Variants in IQSEC2 observed in about 807,000 individuals in gnomAD.
IQSEC2 encodes the protein IQ motif and Sec7 domain ArfGEF 2.
A neutral mutation model predicts 74.6 loss-of-function variants in IQSEC2; 6 were observed. The observed-to-expected ratio is 0.08, with a 90% CI of 0.04 to 0.16. The LOEUF is 0.16. Ranked by LOEUF, IQSEC2 falls within the 10% of genes least tolerant of loss-of-function variation. The pLI is 1.00. For synonymous variants in IQSEC2, 494 were observed against 544.5 expected (o/e 0.91, Z 1.29); for missense variants, 734 against 1,306.2 (o/e 0.56, Z 6.75).
At chrX:53,252,776 TGGG>T (rs782694696) in intron 4 of IQSEC2, among the ~76,000 whole-genome samples, 1 of 112,302 alleles carries the variant, frequency 8.9e-6, no homozygotes, top group Non-Finnish European at 1.9e-5. Flanking sequence ...CTCACTCTCT[TGGG>T]TCAGTTTTAA....
intron 2 of IQSEC2, among the ~76,000 whole-genome samples, chrX:53,260,048 G>A (rs782215194): frequency 9.0e-6 from 1 of 111,716 alleles, no homozygotes; most frequent in Admixed American, 9.5e-5. Context: ...CATTATGGGG[G>A]GCACAAGGTT....
At chrX:53,228,548 G>A (rs1322682004), downstream of IQSEC2, among the ~76,000 whole-genome samples, 1 of 112,076 alleles carries the variant, frequency 8.9e-6, no homozygotes, top group Non-Finnish European at 1.9e-5. Context: ...TGGAAGGCTC[G>A]TCTGGGCTCA....
rs1556860396 is a variant in IQSEC2, at chrX:53,239,266, ATCT to A, written c.3041_3043del (p.Lys1014del). On this transcript the variant is annotated inframe_deletion, in exon 11 of 15. Transcript: ENST00000642864. ...CTGACGGAAACTGTACGTCACCAAG[ATCT>A]TCTTCTTCTGGAAAATTTTGGTGAC... The A allele has an allele frequency of 2.5e-6, 3 of 1,209,264 alleles. No homozygotes were observed. The highest frequency in any genetic ancestry group is 2.2e-6 in the Non-Finnish European group (2 of 893,702).
chrX:53,319,034 A>T (rs1225675855), intron 1 of IQSEC2, among the ~76,000 whole-genome samples: 1 of 112,948 alleles, frequency 8.9e-6, no homozygotes, highest in Non-Finnish European at 1.9e-5. Flanking sequence ...GGTGTGCTGC[A>T]GTGGAGCCCA....
chrX:53,235,245 T>C, intron 14 of IQSEC2, 61 bp from the exon 15 acceptor site: 1 of 1,152,901 alleles, frequency 8.7e-7, no homozygotes, highest in Non-Finnish European at 1.2e-6. Context: ...CAGCCCTAAA[T>C]TCCACCCCTG....
downstream of IQSEC2, among the ~76,000 whole-genome samples, chrX:53,228,121 T>C (rs1556857961): frequency 2.7e-5 from 3 of 110,510 alleles, no homozygotes; most frequent in Non-Finnish European, 5.7e-5. Context: ...TTCCTCACAG[T>C]GTTGTTAGGA....
intron 2 of IQSEC2, among the ~76,000 whole-genome samples, chrX:53,285,103 A>G (rs2075012701): frequency 9.0e-6 from 1 of 111,622 alleles, no homozygotes; most frequent in African/African-American, 3.3e-5. Flanking sequence ...AACACTCTTC[A>G]CTTCACTTTG....
At chrX:53,238,954 C>T (rs1210986200) in intron 11 of IQSEC2, among the ~76,000 whole-genome samples, 1 of 111,333 alleles carries the variant, frequency 9.0e-6, no homozygotes, top group African/African-American at 3.3e-5. Flanking sequence ...TGATCACCGT[C>T]TCTTTGGCCC....
intron 1 of IQSEC2, among the ~76,000 whole-genome samples, chrX:53,303,643 A>G (rs1027421279): frequency 7.3e-5 from 8 of 110,046 alleles, no homozygotes; most frequent in Admixed American, 6.8e-4. Context: ...TCTACTACAA[A>G]TACAAAAATT....
At chrX:53,272,535 G>A (rs1556868816) in intron 2 of IQSEC2, among the ~76,000 whole-genome samples, 1 of 111,415 alleles carries the variant, frequency 9.0e-6, no homozygotes, top group African/African-American at 3.3e-5. Flanking sequence ...GAGTGACAAA[G>A]TTGGGACTGA....
intron 2 of IQSEC2, among the ~76,000 whole-genome samples, chrX:53,285,866 G>A (rs1227500739): frequency 1.8e-5 from 2 of 112,807 alleles, no homozygotes; most frequent in Non-Finnish European, 3.7e-5. Flanking sequence ...CCTGTGTCTG[G>A]AGAACAGTCA....
At position 53,266,888 on chromosome X, in the gene IQSEC2, C is replaced by CG. The variant is rs1326600994; in HGVS notation, c.738-10828dup. On this transcript the variant is annotated intron_variant, in intron 2 of 14. Transcript: ENST00000642864. ...GGACAGGGTCCCATGGGGGAATCTG[C>CG]GGGGGGGTGGGTGGGGGGAAGGAGG... is the stretch of plus-strand genomic sequence containing the variant. The CG allele has an allele frequency of 5.7e-5, 53 of 927,759 alleles. No homozygotes were observed. Among genetic ancestry groups the CG allele is most frequent in the East Asian group, 2.8e-4 (7 of 25,196 alleles). The allele number at this position is 927,759 out of a possible 1,213,427, so 76.5% of individuals were successfully genotyped here.
intron 2 of IQSEC2, among the ~76,000 whole-genome samples, chrX:53,288,369 C>CG (rs2075054512): frequency 9.0e-6 from 1 of 111,121 alleles, no homozygotes; most frequent in African/African-American, 3.3e-5. Context: ...CCTGTCTCCG[C>CG]GGGTGTCAGC....
chrX:53,237,190 G>A (rs1556859920), intron 12 of IQSEC2, among the ~76,000 whole-genome samples: 2 of 111,610 alleles, frequency 1.8e-5, no homozygotes, highest in Admixed American at 1.9e-4. Flanking sequence ...TGGCAGAGCC[G>A]ACATTCTGGA....
chrX:53,254,330 CAAA>C (rs57468463), intron 4 of IQSEC2, among the ~76,000 whole-genome samples, 197 bp downstream of exon 4: 8 of 69,159 alleles, frequency 1.2e-4, no homozygotes, highest in Admixed American at 3.3e-4. Context: ...AACTCCGTCT[CAAA>C]AAAAAAAAAA....
At chrX:53,275,278 G>A (rs2074811254) in intron 2 of IQSEC2, among the ~76,000 whole-genome samples, 1 of 110,397 alleles carries the variant, frequency 9.1e-6, no homozygotes, top group African/African-American at 3.3e-5. Flanking sequence ...CAATTCTCCT[G>A]TCTCATCCTG....
At chrX:53,266,369 G>A in intron 2 of IQSEC2, 1 of 753,580 alleles carries the variant, frequency 1.3e-6, no homozygotes, top group Non-Finnish European at 1.6e-6. Context: ...TTTGTACACA[G>A]CAACACGCAC....
chrX:53,289,322 C>T (rs782716277), intron 2 of IQSEC2, among the ~76,000 whole-genome samples: 1 of 111,204 alleles, frequency 9.0e-6, no homozygotes, highest in South Asian at 3.8e-4. Flanking sequence ...AGAGCCTCGC[C>T]TCTCTCCTCC....
rs782166915 is a variant in IQSEC2, at chrX:53,251,019, G to A, written c.1557C>T (p.Tyr519=). The A allele has an allele frequency of 1.1e-5, 13 of 1,211,885 alleles. No individual in the cohort carries two copies. Among genetic ancestry groups the A allele is most frequent in the East Asian group, 3.0e-5 (1 of 33,824 alleles). ...ATTGTTGGGGAACTGTGTCATCCAGGTAGAGGGGAAGATCACTGAAGGATG... is the reference window on the plus strand; with the variant it reads ...ATTGTTGGGGAACTGTGTCATCCAGATAGAGGGGAAGATCACTGAAGGATG... The part of the protein sequence containing the change: ...SATSFSDLPL[Y]LDDTVPQQSP... The change falls in exon 5 of 15, where the codon TAC becomes TAT. Residue 519 remains tyrosine, a synonymous_variant. Coordinates refer to ENST00000642864, the MANE Select transcript of IQSEC2 (RefSeq NM_001111125.3).
Sources: allele counts gnomAD v4.1 joint callset (sites outside exome capture counted in the v4.1 genomes callset), GRCh38; gene constraint gnomAD v4.1.1; transcripts MANE v1.5; gene names NCBI Gene and HGNC (gene_info 2026-07-23, HGNC 2026-07-21).